The following USH2A variants were observed in gnomAD, a reference collection of about 807,000 sequenced individuals.
USH2A encodes the protein usherin.
Under a neutral mutation model 538.9 loss-of-function variants are expected in USH2A, and 443 were observed. The ratio of observed to expected loss-of-function variants is 0.82; its 90% CI spans 0.76 to 0.89. The LOEUF is 0.89. Ranked by LOEUF, USH2A falls within the 40% of genes least tolerant of loss-of-function variation. The pLI is 0.00. For missense variants in USH2A, 6,633 were observed against 6,324.8 expected, an observed-to-expected ratio of 1.05 and a Z score of -1.65; for synonymous variants, 2,413 against 2,273.5, an observed-to-expected ratio of 1.06 and a Z score of -1.75.
At chr1:216,288,050 G>A (rs1268269595) in intron 11 of USH2A, among the ~76,000 whole-genome samples, 1 of 152,056 alleles carries the variant, frequency 6.6e-6, no homozygotes, top group Non-Finnish European at 1.5e-5. Context: ...AGAGTAACAT[G>A]GTGATATGAA....
intron 8 of USH2A, 25 bp from the exon 9 acceptor site, chr1:216,322,001 C>T (rs1186365882): frequency 6.2e-7 from 1 of 1,608,494 alleles, no homozygotes; most frequent in African/African-American, 1.3e-5. Flanking sequence ...ATCACACACT[C>T]CTAAGGAACA....
intron 21 of USH2A, among the ~76,000 whole-genome samples, chr1:216,157,485 A>T (rs1322556952): frequency 6.6e-6 from 1 of 152,200 alleles, no homozygotes. Flanking sequence ...AAAGAAAAAT[A>T]AATCATTCTA....
chr1:215,831,235 A>G (rs1571727998), intron 47 of USH2A, among the ~76,000 whole-genome samples: 2 of 152,176 alleles, frequency 1.3e-5, no homozygotes, highest in Non-Finnish European at 2.9e-5. Context: ...ATAGATCTGA[A>G]GAAGAAATAG....
intron 61 of USH2A, among the ~76,000 whole-genome samples, chr1:215,686,337 A>G (rs760741662): frequency 1.3e-5 from 2 of 152,082 alleles, no homozygotes; most frequent in Non-Finnish European, 2.9e-5. Flanking sequence ...CTTGGGGAAG[A>G]CTTAATTGAG....
intron 44 of USH2A, 95 bp from the exon 45 acceptor site, chr1:215,846,128 G>C: frequency 8.4e-7 from 1 of 1,185,484 alleles, no homozygotes; most frequent in East Asian, 2.5e-5. Context: ...GAGAAAAAAA[G>C]AAGTTTAGAG....
In USH2A at chr1:216,081,361, G is replaced by T. The variant is rs190350218; in HGVS notation, c.5298+2095C>A. On this transcript the variant is annotated intron_variant, in intron 26 of 71. Coordinates refer to ENST00000307340, the MANE Select transcript of USH2A (RefSeq NM_206933.4). ...TTTGAGATTCAAGGTTTCAGCAATG[G>T]AAACATTCTGAGTTTATCAAGTTCC... Among the ~76,000 whole-genome samples the T allele has an allele frequency of 2.8e-3, 432 of 152,236 alleles. 2 individuals are homozygous for T. The highest frequency in any genetic ancestry group is 0.017 in the South Asian group (83 of 4,822).
chr1:216,140,879 G>A (rs937170144), intron 21 of USH2A, among the ~76,000 whole-genome samples: 2 of 152,234 alleles, frequency 1.3e-5, no homozygotes, highest in African/African-American at 4.8e-5. Flanking sequence ...TCCTGAGACA[G>A]AGGGCTCTCA....
intron 38 of USH2A, among the ~76,000 whole-genome samples, chr1:215,926,136 T>G (rs934951722): frequency 1.4e-4 from 21 of 152,060 alleles, no homozygotes; most frequent in South Asian, 8.3e-4. Flanking sequence ...CTTATTTATT[T>G]ACTCTTTTGC....
At chr1:216,406,363 T>A (rs547178672) in intron 3 of USH2A, among the ~76,000 whole-genome samples, 1 of 152,300 alleles carries the variant, frequency 6.6e-6, no homozygotes, top group East Asian at 1.9e-4. Context: ...AAAAGTTTAA[T>A]TAAGAATAAA....
At chr1:216,261,123 G>A (rs2036362381) in intron 11 of USH2A, among the ~76,000 whole-genome samples, 1 of 151,980 alleles carries the variant, frequency 6.6e-6, no homozygotes, top group South Asian at 2.1e-4. Flanking sequence ...AAATAAAGGA[G>A]GAGGATGAAA....
At chr1:216,197,430 T>C (rs415508) in intron 18 of USH2A, among the ~76,000 whole-genome samples, 27,372 of 152,126 alleles carry the variant, frequency 0.18, 2,801 homozygotes, top group Non-Finnish European at 0.23. Context: ...ATTTCTGACC[T>C]TGATTTTCCC....
chr1:216,156,627 G>T (rs1458383613), intron 21 of USH2A, among the ~76,000 whole-genome samples: 1 of 152,018 alleles, frequency 6.6e-6, no homozygotes, highest in Non-Finnish European at 1.5e-5. Flanking sequence ...CCCATCTACT[G>T]ATTTCTGTCA....
chr1:215,971,147 T>C (rs955124648), intron 35 of USH2A, among the ~76,000 whole-genome samples: 1 of 152,150 alleles, frequency 6.6e-6, no homozygotes, highest in Non-Finnish European at 1.5e-5. Flanking sequence ...GCCCCAGAAG[T>C]AAATCGACCT....
intron 16 of USH2A, among the ~76,000 whole-genome samples, chr1:216,200,795 A>C (rs1033538282): frequency 6.6e-6 from 1 of 152,134 alleles, no homozygotes. Flanking sequence ...TTCTCTAAGG[A>C]CAGGAAACAC....
chr1:215,705,400 G>A lies in USH2A; in HGVS notation c.12066+22630C>T, dbSNP rs190849039. ...GGCAATTAAACTCAATGTGTGTGTCGTACCAACGGTGCACAGAACTCAAGT... is the reference window on the plus strand; with the variant it reads ...GGCAATTAAACTCAATGTGTGTGTCATACCAACGGTGCACAGAACTCAAGT... On this transcript the variant is annotated intron_variant, in intron 61 of 71. Coordinates refer to ENST00000307340, the MANE Select transcript of USH2A (RefSeq NM_206933.4). Among the ~76,000 whole-genome samples the A allele has an allele frequency of 1.4e-3, 214 of 152,182 alleles. 1 individual carries two copies. In the East Asian group the frequency reaches 0.014, roughly 10 times the overall value.
chr1:216,049,306 C>T (rs946598831), intron 30 of USH2A, among the ~76,000 whole-genome samples: 4 of 152,074 alleles, frequency 2.6e-5, no homozygotes, highest in Admixed American at 6.5e-5. Context: ...AAGTGTTACA[C>T]GTGGAAGTAT....
chr1:215,775,691 T>C (rs533849324), intron 55 of USH2A, among the ~76,000 whole-genome samples: 1 of 152,210 alleles, frequency 6.6e-6, no homozygotes, highest in Non-Finnish European at 1.5e-5. Flanking sequence ...CATTTTGTTG[T>C]ATTGGTGGTT....
At chr1:215,738,377 CTT>C (rs1305396261) in intron 60 of USH2A, among the ~76,000 whole-genome samples, 1 of 151,980 alleles carries the variant, frequency 6.6e-6, no homozygotes, top group Admixed American at 6.6e-5. Context: ...TTTTTTGTGA[CTT>C]ATATATAGTC....
chr1:216,201,969 T>G (rs768054680), intron 16 of USH2A: 1 of 152,434 alleles, frequency 6.6e-6, no homozygotes, highest in African/African-American at 2.4e-5. Context: ...AGATTCAGAC[T>G]TTCTAGAGAG....
Sources: allele counts gnomAD v4.1 joint callset (sites outside exome capture counted in the v4.1 genomes callset), GRCh38; gene constraint gnomAD v4.1.1; transcripts MANE v1.5; gene names NCBI Gene and HGNC (gene_info 2026-07-23, HGNC 2026-07-21).